Variants in NYAP2 observed in about 807,000 individuals in gnomAD.
The protein encoded by NYAP2 is neuronal tyrosine-phosphorylated phosphoinositide-3-kinase adaptor 2.
A neutral mutation model predicts 50.4 loss-of-function variants in NYAP2; 23 were observed. The observed-to-expected ratio is 0.46, with a 90% CI of 0.33 to 0.65. The LOEUF (loss-of-function observed/expected upper bound fraction) is 0.65, where lower values mean the gene tolerates loss of function less well. NYAP2 is among the 30% of genes least tolerant of loss of function. The probability of loss-of-function intolerance (pLI) is 0.02; values close to 1 mark genes in which losing one functional copy is unlikely to be tolerated. For missense variants in NYAP2, 885 were observed against 861.0 expected (o/e 1.03, Z -0.35); for synonymous variants, 394 against 365.2 (o/e 1.08, Z -0.90).
chr2:225,639,329 T>G (rs1454464207), intron 6 of NYAP2, among the ~76,000 whole-genome samples: 1 of 152,232 alleles, frequency 6.6e-6, no homozygotes, highest in Admixed American at 6.5e-5. Flanking sequence ...GTTTATTACC[T>G]TTGTGGGTTA....
intron 5 of NYAP2, 148 bp downstream of exon 5, chr2:225,583,183 C>A: frequency 2.0e-6 from 2 of 989,406 alleles, no homozygotes; most frequent in South Asian, 1.8e-5. Flanking sequence ...TGTGTTAGTT[C>A]ATTTTTGCCA....
chr2:225,499,479 A>AT (rs57859943), intron 3 of NYAP2, among the ~76,000 whole-genome samples: 46,292 of 149,512 alleles, frequency 0.31, 7,194 homozygotes, highest in South Asian at 0.48. Flanking sequence ...TTCCCGGCTA[A>AT]TTTTTTTTTT....
At chr2:225,682,595 T>C in the NYAP2 span, among the ~76,000 whole-genome samples, 1 of 152,174 alleles carries the variant, frequency 6.6e-6, no homozygotes, top group African/African-American at 2.4e-5. Context: ...AGACTTGTCA[T>C]TACGGTTTTT....
At chr2:225,513,537 G>A (rs750139543) in exon 4 of NYAP2, 10 of 1,612,432 alleles carry the variant, frequency 6.2e-6, no homozygotes, top group African/African-American at 1.3e-5. Flanking sequence ...CACAGACGAT[G>A]ACAGCAGCTG....
chr2:225,458,050 C>T (rs549793509), intron 3 of NYAP2, among the ~76,000 whole-genome samples: 16 of 151,278 alleles, frequency 1.1e-4, no homozygotes, highest in East Asian at 1.9e-4. Flanking sequence ...TAATTTCCAC[C>T]GATACTTAAG....
At chr2:225,468,307 A>G (rs868562511) in intron 3 of NYAP2, among the ~76,000 whole-genome samples, 4 of 152,254 alleles carry the variant, frequency 2.6e-5, no homozygotes, top group Middle Eastern at 6.8e-3. Context: ...AGAGATTGGA[A>G]TGATGTGTTG....
chr2:225,451,254 T>A (rs1689645261), intron 3 of NYAP2, among the ~76,000 whole-genome samples: 1 of 152,182 alleles, frequency 6.6e-6, no homozygotes, highest in African/African-American at 2.4e-5. Context: ...CCAGGATCAA[T>A]TTGAAACTTT....
At chr2:225,624,810 G>T (rs1040667238) in intron 5 of NYAP2, among the ~76,000 whole-genome samples, 1 of 151,948 alleles carries the variant, frequency 6.6e-6, no homozygotes, top group African/African-American at 2.4e-5. Context: ...AAGGAAGTTA[G>T]GTAGGGCTGG....
At chr2:225,552,751 C>T (rs1045171813) in intron 4 of NYAP2, among the ~76,000 whole-genome samples, 6 of 152,120 alleles carry the variant, frequency 3.9e-5, no homozygotes, top group East Asian at 3.9e-4. Context: ...AGTGCAGTGG[C>T]GTGATCTCGG....
intron 3 of NYAP2, among the ~76,000 whole-genome samples, chr2:225,418,122 T>C (rs939577217): frequency 1.3e-5 from 2 of 151,904 alleles, no homozygotes; most frequent in African/African-American, 4.8e-5. Context: ...CCTGAAGTAA[T>C]AAGTGAGGAG....
chr2:225,419,424 A>G (rs1291921646), intron 3 of NYAP2, among the ~76,000 whole-genome samples: 1 of 152,220 alleles, frequency 6.6e-6, no homozygotes, highest in East Asian at 1.9e-4. Flanking sequence ...CATTGTAAGA[A>G]TGAAACTTGG....
At chr2:225,529,572 G>A (rs534420831) in intron 4 of NYAP2, among the ~76,000 whole-genome samples, 66 of 152,166 alleles carry the variant, frequency 4.3e-4, no homozygotes, top group African/African-American at 1.3e-3. Flanking sequence ...TGATCTACCC[G>A]CCTCGGCCTC....
At chr2:225,491,075 G>A (rs923022250) in intron 3 of NYAP2, among the ~76,000 whole-genome samples, 4 of 152,288 alleles carry the variant, frequency 2.6e-5, no homozygotes, top group East Asian at 1.9e-4. Context: ...CATTCAGCCT[G>A]TCTAACATCC....
At position 225,621,070 on chromosome 2, in the gene NYAP2, T is replaced by C. The variant is rs530151194; in HGVS notation, c.1619-5847T>C. 2.3e-4 allele frequency among the ~76,000 whole-genome samples: 33 copies of C among 143,050 alleles called. No individual in the cohort carries two copies. The East Asian group carries it at 4.5e-3, about 20-fold the overall frequency. 93.8% of individuals were successfully genotyped at this position (143,050 alleles called of 152,430 possible). ...CGGAGCTTGCGGTGAGCTGAGATCGTGCCACTGCACTCCAGCCTGGGCGAC... is the reference window on the plus strand; with the variant it reads ...CGGAGCTTGCGGTGAGCTGAGATCGCGCCACTGCACTCCAGCCTGGGCGAC... On this transcript the variant is annotated intron_variant, in intron 5 of 6. Transcript: ENST00000636099.
At chr2:225,622,561 TTC>T (rs1213591768) in intron 5 of NYAP2, among the ~76,000 whole-genome samples, 10 of 51,268 alleles carry the variant, frequency 2.0e-4, no homozygotes, top group Non-Finnish European at 2.5e-4. Flanking sequence ...TTCTTTCTTT[TTC>T]TTTCTTTCTT....
chr2:225,582,537 C>G lies in NYAP2; in HGVS notation c.1120C>G (p.Gln374Glu). ...GCTGGAAAACGTGTCTTACATGAAA[C>G]AGCCAGCCGGGGCGTCGCCCTCCAC... The change falls in exon 5 of 7, where the codon CAG becomes GAG. Residue 374 changes from glutamine (Q) to glutamate (E), a missense_variant. Physicochemically the swap from Gln to Glu is conservative, Grantham distance 29. Coordinates refer to ENST00000636099, the Ensembl canonical transcript of NYAP2. This position sits in a 1 kb window ranked among gnomAD's most constrained non-coding sequence, Gnocchi z 7.0. 1.3e-6 allele frequency: 2 copies of G among 1,552,844 alleles called. No homozygotes were observed. Among genetic ancestry groups the G allele is most frequent in the Middle Eastern group, 3.5e-4 (2 of 5,730 alleles).
chr2:225,657,760 T>C (rs541743765), downstream of NYAP2, among the ~76,000 whole-genome samples: 99 of 152,292 alleles, frequency 6.5e-4, no homozygotes, highest in Non-Finnish European at 1.2e-3. Context: ...TTTAGCCCCT[T>C]GTCCTATAGA....
chr2:225,519,197 A>G (rs1463717605), intron 4 of NYAP2, among the ~76,000 whole-genome samples: 1 of 151,952 alleles, frequency 6.6e-6, no homozygotes, highest in Non-Finnish European at 1.5e-5. Context: ...TTCCCAAGGC[A>G]TAATCTTTTA....
chr2:225,405,665 C>A (rs1694929119), intron 2 of NYAP2, among the ~76,000 whole-genome samples: 1 of 151,918 alleles, frequency 6.6e-6, no homozygotes, highest in African/African-American at 2.4e-5. Context: ...AATCTATTTA[C>A]TCATAGTTCA....
Sources: gnomAD v4.1 joint callset for allele counts (sites outside exome capture counted in the v4.1 genomes callset) on GRCh38, gnomAD v4.1.1 for gene constraint, Gnocchi (gnomAD v3.1) non-coding constraint, MANE v1.5 for transcripts, NCBI Gene and HGNC (gene_info 2026-07-23, HGNC 2026-07-21) for gene names.